SETMAR: variants seen among roughly 807,000 people sequenced by gnomAD.
The protein encoded by SETMAR is histone-lysine N-methyltransferase SETMAR.
In SETMAR, 44 loss-of-function variants were observed where a neutral mutation model predicts 58.4. That is an observed-to-expected ratio of 0.75 (90% CI 0.59 to 0.97). The LOEUF (loss-of-function observed/expected upper bound fraction) is 0.97, where lower values mean the gene tolerates loss of function less well. SETMAR is among the 50% of genes least tolerant of loss of function. The pLI, the probability that SETMAR is intolerant of heterozygous loss-of-function variation, is 0.00. For synonymous variants in SETMAR, 332 were observed against 307.4 expected (o/e 1.08, Z -0.84); for missense variants, 903 against 840.2 (o/e 1.07, Z -0.92).
At position 4,303,459 on chromosome 3, in the gene SETMAR, T is replaced by C. The variant is rs1423326101; in HGVS notation, c.89T>C (p.Val30Ala). ...KPEAPTEQLDVACGQENLPVG... is the reference protein window; with the variant it reads ...KPEAPTEQLDAACGQENLPVG... ...GAGGCCCCGACTGAGCAGCTGGATGTCGCGTGCGGCCAGGAAAACTTGCCG... is the reference window on the plus strand; with the variant it reads ...GAGGCCCCGACTGAGCAGCTGGATGCCGCGTGCGGCCAGGAAAACTTGCCG... Residue 30 changes from valine to alanine, a missense_variant, in exon 1 of 3, where the codon GTC becomes GCC. Coordinates refer to ENST00000358065, the MANE Select transcript of SETMAR (RefSeq NM_006515.4). 2.6e-6 allele frequency: 4 copies of C among 1,535,572 alleles called. No homozygotes were observed. Among genetic ancestry groups the C allele is most frequent in the African/African-American group, 2.9e-5 (2 of 69,808 alleles).
At chr3:4,303,844 C>G (rs1042375875) in intron 1 of SETMAR, 11 of 1,335,882 alleles carry the variant, frequency 8.2e-6, no homozygotes, top group Admixed American at 6.9e-5. Flanking sequence ...TCATTTACCT[C>G]CCTGGTCTCA....
intron 1 of SETMAR, among the ~76,000 whole-genome samples, chr3:4,307,163 G>A (rs1254234330): frequency 2.6e-5 from 4 of 152,196 alleles, no homozygotes; most frequent in Non-Finnish European, 5.9e-5. Context: ...TTATAATTCA[G>A]AGGCCCAGGT....
chr3:4,311,021 A>G (rs193014507), intron 1 of SETMAR, among the ~76,000 whole-genome samples: 162 of 152,334 alleles, frequency 1.1e-3, no homozygotes, highest in South Asian at 2.3e-3. Context: ...TTTCTAACCT[A>G]TCCTTTATCC....
At chr3:4,315,942 G>A (rs146365456) in intron 2 of SETMAR, among the ~76,000 whole-genome samples, 2 of 151,224 alleles carry the variant, frequency 1.3e-5, no homozygotes, top group Non-Finnish European at 2.9e-5. Context: ...AGCTACTCAG[G>A]AGGCTGAGGT....
chr3:4,304,086 T>C, intron 1 of SETMAR: 1 of 189,614 alleles, frequency 5.3e-6, no homozygotes, highest in Non-Finnish European at 1.2e-5. Context: ...ACTTTCCGGT[T>C]TGCTGTAAGA....
In SETMAR at chr3:4,317,072, T is replaced by C. The variant is rs60258210; in HGVS notation, c.1881T>C (p.Phe627=). The change falls in exon 3 of 3, where the codon TTT becomes TTC. Residue 627 remains phenylalanine, a synonymous_variant. Transcript: ENST00000358065. ...TCTTGCCAACCAACTACCACGTCTT[T>C]AAGCATCTCAACAACTTTTTGCAGG... ...PDLLPTNYHV[F]KHLNNFLQGK... The C allele has an allele frequency of 3.8e-3, 5,939 of 1,549,210 alleles. 69 individuals are homozygous for C. Among genetic ancestry groups the C allele is most frequent in the African/African-American group, 0.037 (2,687 of 73,026 alleles).
chr3:4,311,411 C>T (rs1698399474), intron 1 of SETMAR, among the ~76,000 whole-genome samples: 1 of 152,232 alleles, frequency 6.6e-6, no homozygotes, highest in Admixed American at 6.5e-5. Flanking sequence ...CAACTGGTTC[C>T]TTGCAGAACT....
At position 4,316,274 on chromosome 3, in the gene SETMAR, G is replaced by T. The variant is rs764837230; in HGVS notation, c.1083G>T (p.Met361Ile). The change falls in exon 3 of 3, where the codon ATG becomes ATT. Residue 361 changes from methionine to isoleucine, a missense_variant. Coordinates refer to ENST00000358065, the MANE Select transcript of SETMAR (RefSeq NM_006515.4). Reference sequence around the variant, plus strand: ...CAATTTTCTTATTCGAGTTCAAAATGGGTCGTAAAGCAGCAGAAACAACTC... The same window carrying T: ...CAATTTTCTTATTCGAGTTCAAAATTGGTCGTAAAGCAGCAGAAACAACTC... ...IRAIFLFEFK[M>I]GRKAAETTRN... The T allele has an allele frequency of 6.9e-6, 6 of 868,244 alleles. No individual in the cohort carries two copies. The South Asian group carries it at 8.5e-5, about 12-fold the overall frequency. 53.8% of individuals were successfully genotyped at this position (868,244 alleles called of 1,614,324 possible). A position where few individuals can be genotyped will look rare whatever the true frequency, so the allele number is the denominator to read the frequency against.
chr3:4,317,064 C>G lies in SETMAR; in HGVS notation c.1873C>G (p.His625Asp), dbSNP rs1342845405. 5 of 1,549,172 alleles carry G rather than the reference C, an allele frequency of 3.2e-6. No homozygotes were observed. ...YSPDLLPTNY[H>D]VFKHLNNFLQ... ...ACCTGACCTCTTGCCAACCAACTACCACGTCTTTAAGCATCTCAACAACTT... is the reference window on the plus strand; with the variant it reads ...ACCTGACCTCTTGCCAACCAACTACGACGTCTTTAAGCATCTCAACAACTT... Residue 625 changes from histidine to aspartate, a missense_variant, in exon 3 of 3, where the codon CAC becomes GAC. Physicochemically the swap from His to Asp is moderately conservative, Grantham distance 81. Coordinates refer to ENST00000358065, the MANE Select transcript of SETMAR (RefSeq NM_006515.4).
chr3:4,316,160 C>A, intron 2 of SETMAR, 52 bp from the exon 3 acceptor site: 1 of 609,288 alleles, frequency 1.6e-6, no homozygotes, highest in Admixed American at 2.4e-5. Flanking sequence ...ATGAGCATTT[C>A]TTTATGTTTT....
intron 2 of SETMAR, 60 bp downstream of exon 2, chr3:4,313,821 T>C: frequency 2.5e-6 from 4 of 1,603,110 alleles, no homozygotes; most frequent in Non-Finnish European, 3.4e-6. Context: ...AGTGGTTGGC[T>C]AGCTTTACCT....
rs1164936738 is a variant in SETMAR, at chr3:4,303,870, T to C, written c.156+344T>C. 4 of 1,295,708 alleles carry C rather than the reference T, an allele frequency of 3.1e-6. No homozygotes were observed. In the African/African-American group the frequency reaches 4.6e-5, roughly 15 times the overall value. 80.3% of individuals were successfully genotyped at this position (1,295,708 alleles called of 1,614,324 possible). A position where few individuals can be genotyped will look rare whatever the true frequency, so the allele number is the denominator to read the frequency against. ...CCTGGTCTCAGGTGTCTCTCACAGGTAGGATAAGCCGTGGGGCCTATTAAT... is the reference window on the plus strand; with the variant it reads ...CCTGGTCTCAGGTGTCTCTCACAGGCAGGATAAGCCGTGGGGCCTATTAAT... On this transcript the variant is annotated intron_variant, in intron 1 of 2. Coordinates refer to ENST00000358065, the MANE Select transcript of SETMAR (RefSeq NM_006515.4).
In SETMAR at chr3:4,317,083, A is replaced by C; in HGVS notation, c.1892A>C (p.Asn631Thr). Residue 631 changes from asparagine (N) to threonine (T), a missense_variant, in exon 3 of 3, where the codon AAC becomes ACC. Coordinates refer to ENST00000358065, the MANE Select transcript of SETMAR (RefSeq NM_006515.4). Reference protein sequence around the residue: ...PTNYHVFKHLNNFLQGKRFHN... With the variant: ...PTNYHVFKHLTNFLQGKRFHN... ...AACTACCACGTCTTTAAGCATCTCA[A>C]CAACTTTTTGCAGGGAAAACGCTTC... The C allele has an allele frequency of 6.5e-7, 1 of 1,549,114 alleles. No individual in the cohort carries two copies. Among genetic ancestry groups the C allele is most frequent in the South Asian group, 1.2e-5 (1 of 83,960 alleles).
intron 1 of SETMAR, among the ~76,000 whole-genome samples, chr3:4,312,586 TTGTAGC>T (rs1698449289): frequency 6.6e-6 from 1 of 151,978 alleles, no homozygotes; most frequent in African/African-American, 2.4e-5. Context: ...TGGTTCCCAC[TTGTAGC>T]TGTAGCAGCT....
rs781161220 is a variant in SETMAR at position 4,313,181 on chromosome 3, A to AT, written c.441dup (p.Lys148Ter). On this transcript the variant is annotated frameshift_variant, in exon 2 of 3. Transcript: ENST00000358065. LOFTEE classifies it high-confidence loss of function. ...TTCCACTTCCAAGTGTTCAAGACGC[A>AT]TAAAAAAGGCTGGGGACTTCGTACC... 2.5e-6 allele frequency: 4 copies of AT among 1,614,088 alleles called. No homozygotes were observed. In the East Asian group the frequency reaches 8.9e-5, roughly 36 times the overall value.
At chr3:4,307,652 T>C (rs945771672) in intron 1 of SETMAR, among the ~76,000 whole-genome samples, 1 of 152,240 alleles carries the variant, frequency 6.6e-6, no homozygotes, top group African/African-American at 2.4e-5. Context: ...CGTGATTGTT[T>C]TGCATTTATT....
intron 1 of SETMAR, among the ~76,000 whole-genome samples, chr3:4,312,479 A>G (rs1227128577): frequency 6.6e-6 from 1 of 152,120 alleles, no homozygotes. Context: ...TATATAACAT[A>G]CTATTATATA....
At chr3:4,308,998 A>T (rs1286822367) in intron 1 of SETMAR, among the ~76,000 whole-genome samples, 2 of 152,224 alleles carry the variant, frequency 1.3e-5, no homozygotes, top group African/African-American at 2.4e-5. Context: ...ACAACAGTCA[A>T]ATACATGTAA....
At position 4,313,086 on chromosome 3, in the gene SETMAR, T is replaced by C; in HGVS notation, c.345T>C (p.Val115=). 1 of 1,613,962 alleles carries C rather than the reference T, an allele frequency of 6.2e-7. No homozygotes were observed. Among genetic ancestry groups the C allele is most frequent in the South Asian group, 1.1e-5 (1 of 91,062 alleles). The part of the protein sequence containing the change: ...IGSGGKYAEP[V]FECNVLCRCS... ...CTGGAGGAAAGTATGCAGAGCCTGT[T>C]TTTGAATGCAATGTCCTGTGCCGAT... Residue 115 remains valine (V), a synonymous_variant, in exon 2 of 3, where the codon GTT becomes GTC. Coordinates refer to ENST00000358065, the MANE Select transcript of SETMAR (RefSeq NM_006515.4).
Sources: gnomAD v4.1 joint callset for allele counts (sites outside exome capture counted in the v4.1 genomes callset) on GRCh38, gnomAD v4.1.1 for gene constraint, MANE v1.5 for transcripts, NCBI Gene and HGNC (gene_info 2026-07-23, HGNC 2026-07-21) for gene names.